INTS8: variants seen among roughly 807,000 people sequenced by gnomAD.
The protein encoded by INTS8 is integrator complex subunit 8.
In INTS8, 47 loss-of-function variants were observed where a neutral mutation model predicts 138.9. That is an observed-to-expected ratio of 0.34 (90% confidence interval 0.27 to 0.43). The LOEUF (loss-of-function observed/expected upper bound fraction) is 0.43, where lower values mean the gene tolerates loss of function less well. Ranked by LOEUF, INTS8 falls within the 20% of genes least tolerant of loss-of-function variation. The pLI is 1.00. For synonymous variants in INTS8, 392 were observed against 400.9 expected (o/e 0.98, Z 0.27); for missense variants, 996 against 1,173.0 (o/e 0.85, Z 2.20).
intron 10 of INTS8, among the ~76,000 whole-genome samples, chr8:94,847,403 C>A (rs776489247): frequency 6.6e-6 from 1 of 152,038 alleles, no homozygotes; most frequent in Non-Finnish European, 1.5e-5. Context: ...TCATGCTTGC[C>A]TTATAAATAA....
chr8:94,873,606 A>G, intron 22 of INTS8, 129 bp downstream of exon 22: 2 of 664,634 alleles, frequency 3.0e-6, no homozygotes, highest in Non-Finnish European at 5.5e-6. Context: ...GCTCTAGAAC[A>G]CATTGCTCTG....
At chr8:94,824,834 CT>C in intron 1 of INTS8, 58 bp from the exon 2 acceptor site, 1 of 660,066 alleles carries the variant, frequency 1.5e-6, no homozygotes, top group South Asian at 2.1e-5. Context: ...ATAGTGAATC[CT>C]TTTGTATCTA....
At chr8:94,823,776 G>A (rs1814374825) in intron 1 of INTS8, among the ~76,000 whole-genome samples, 1 of 152,232 alleles carries the variant, frequency 6.6e-6, no homozygotes, top group South Asian at 2.1e-4. Context: ...CCCCGGAGGG[G>A]AGGGCTTGGT....
Position 94,856,843 on chromosome 8 carries a change from C to T in INTS8, c.1819C>T (p.Leu607Phe). The T allele has an allele frequency of 6.2e-7, 1 of 1,614,138 alleles. No individual in the cohort carries two copies. Among genetic ancestry groups the T allele is most frequent in the East Asian group, 2.2e-5 (1 of 44,880 alleles). Residue 607 changes from leucine to phenylalanine, a missense_variant, in exon 15 of 27, where the codon CTT (leucine) becomes TTT (phenylalanine). Physicochemically the swap from Leu to Phe is conservative, Grantham distance 22. Coordinates refer to ENST00000523731, the MANE Select transcript of INTS8 (RefSeq NM_017864.4). Reference sequence around the variant, plus strand: ...GTTGGTAACAGAGTTCTCACCGAAGCTTCGTCAGGTCATGCTGAATGAGAT... The same window carrying T: ...GTTGGTAACAGAGTTCTCACCGAAGTTTCGTCAGGTCATGCTGAATGAGAT... ...LELVTEFSPK[L>F]RQVMLNEMLL...
chr8:94,849,861 T>C (rs1815465641), intron 11 of INTS8, 55 bp from the exon 12 acceptor site: 1 of 1,351,528 alleles, frequency 7.4e-7, no homozygotes, highest in South Asian at 1.6e-5. Flanking sequence ...TATGATTGTT[T>C]TTCTCAAACT....
chr8:94,850,280 A>G (rs1815482034), intron 12 of INTS8, among the ~76,000 whole-genome samples, 189 bp downstream of exon 12: 1 of 152,236 alleles, frequency 6.6e-6, no homozygotes, highest in Non-Finnish European at 1.5e-5. Flanking sequence ...TGCCAAGCCA[A>G]TGATTAGTAC....
intron 14 of INTS8, 94 bp downstream of exon 14, chr8:94,854,009 G>C (rs1444593265): frequency 1.4e-6 from 1 of 704,924 alleles, no homozygotes; most frequent in Non-Finnish European, 2.5e-6. Flanking sequence ...TTGGGAGTCT[G>C]AGGTGGGCAG....
At chr8:94,865,225 CCTAT>C (rs1816134320) in intron 16 of INTS8, among the ~76,000 whole-genome samples, 1 of 151,930 alleles carries the variant, frequency 6.6e-6, no homozygotes, top group African/African-American at 2.4e-5. Context: ...TAATAAATCA[CCTAT>C]CTCTTTGCGT....
At chr8:94,835,991 A>C (rs535872532) in intron 6 of INTS8, among the ~76,000 whole-genome samples, 1 of 152,236 alleles carries the variant, frequency 6.6e-6, no homozygotes, top group Non-Finnish European at 1.5e-5. Context: ...TAAGTTTTAC[A>C]GATGGGTATG....
rs751063943 is a variant in INTS8 at position 94,873,359 on chromosome 8, G to A, written c.2534-15G>A. 10 of 1,579,890 alleles carry A rather than the reference G, an allele frequency of 6.3e-6. No homozygotes were observed. Among genetic ancestry groups the A allele is most frequent in the Admixed American group, 3.3e-5 (2 of 59,940 alleles). ...CTGTTACCTCTAATGCTTTATGTCT[G>A]TTTTTCTGTTTCAGCAACGAATCAG... On this transcript the variant is annotated splice_polypyrimidine_tract_variant and intron_variant, in intron 21 of 26. Coordinates refer to ENST00000523731, the MANE Select transcript of INTS8 (RefSeq NM_017864.4).
chr8:94,865,394 C>T, intron 16 of INTS8, 112 bp from the exon 17 acceptor site: 1 of 797,010 alleles, frequency 1.3e-6, no homozygotes, highest in Non-Finnish European at 2.0e-6. Flanking sequence ...AATAACTGTG[C>T]TTAGTATGTT....
Position 94,823,517 on chromosome 8 carries a change from TGGA to T in INTS8, c.91_93del (p.Glu31del). ...CAGACCTGCTGGTTTGAGTTTCTGC[TGGA>T]GGAGTCACTGTTGGAGAAACATCTG... is the stretch of plus-strand genomic sequence containing the variant. On this transcript the variant is annotated inframe_deletion, in exon 1 of 27. Coordinates refer to ENST00000523731, the MANE Select transcript of INTS8 (RefSeq NM_017864.4). The T allele has an allele frequency of 6.4e-7, 1 of 1,574,148 alleles. No individual in the cohort carries two copies. The highest frequency in any genetic ancestry group is 8.6e-7 in the Non-Finnish European group (1 of 1,160,344).
chr8:94,830,312 T>G (rs1814664964), intron 5 of INTS8, among the ~76,000 whole-genome samples: 1 of 152,210 alleles, frequency 6.6e-6, no homozygotes, highest in Admixed American at 6.5e-5. Context: ...CCATGTGAGG[T>G]GTAGGGGCTG....
chr8:94,825,686 CAG>C (rs1386485296), intron 2 of INTS8, among the ~76,000 whole-genome samples: 8 of 152,048 alleles, frequency 5.3e-5, no homozygotes, highest in African/African-American at 1.7e-4. Context: ...TGATTAGAGT[CAG>C]TGCTTATTTG....
chr8:94,859,646 A>T lies in INTS8; in HGVS notation c.2076+14A>T. Reference sequence around the variant, plus strand: ...CCATATGTAAAGGTAGTTAATGTTTAAATAAAAGGATTGTTAGGATGGTAT... The same window carrying T: ...CCATATGTAAAGGTAGTTAATGTTTTAATAAAAGGATTGTTAGGATGGTAT... On this transcript the variant is annotated intron_variant, in intron 16 of 26. Transcript: ENST00000523731. 6.3e-7 allele frequency: 1 copy of T among 1,593,752 alleles called. No homozygotes were observed.
chr8:94,871,722 T>C (rs1739463845), intron 20 of INTS8, among the ~76,000 whole-genome samples, 162 bp from the exon 21 acceptor site: 1 of 152,228 alleles, frequency 6.6e-6, no homozygotes, highest in South Asian at 2.1e-4. Flanking sequence ...TTCTTAGACT[T>C]AGTTGTGTTG....
At chr8:94,843,481 C>T (rs1400295567) in intron 10 of INTS8, among the ~76,000 whole-genome samples, 3 of 151,942 alleles carry the variant, frequency 2.0e-5, no homozygotes, top group East Asian at 3.8e-4. Context: ...GCAGGAGAAT[C>T]GCTTGAAACT....
chr8:94,858,439 A>G (rs1444317452), intron 15 of INTS8, among the ~76,000 whole-genome samples: 1 of 152,230 alleles, frequency 6.6e-6, no homozygotes, highest in East Asian at 1.9e-4. Context: ...ATCTAATAAT[A>G]TGCTGGCACT....
At position 94,842,502 on chromosome 8, in the gene INTS8, T is replaced by C; in HGVS notation, c.1260+14T>C. 6.3e-7 allele frequency: 1 copy of C among 1,584,012 alleles called. No individual in the cohort carries two copies. Among genetic ancestry groups the C allele is most frequent in the South Asian group, 1.1e-5 (1 of 87,242 alleles). The stretch of plus-strand genomic sequence containing the variant: ...TTTCTTCTTGAGGTATGACATGTTT[T>C]TCTTTCCCCTTTTGATTTATAATTT... On this transcript the variant is annotated intron_variant, in intron 10 of 26. Coordinates refer to ENST00000523731, the MANE Select transcript of INTS8 (RefSeq NM_017864.4).
Sources: allele counts gnomAD v4.1 joint callset (sites outside exome capture counted in the v4.1 genomes callset), GRCh38; gene constraint gnomAD v4.1.1; transcripts MANE v1.5; gene names NCBI Gene and HGNC (gene_info 2026-07-23, HGNC 2026-07-21).